WDFY4: variants seen among roughly 807,000 people sequenced by gnomAD.
WDFY4 encodes the protein WD repeat- and FYVE domain-containing protein 4.
Under a neutral mutation model 351.9 loss-of-function variants are expected in WDFY4, and 169 were observed. The observed-to-expected ratio is 0.48, with a 90% CI of 0.42 to 0.55. The LOEUF is 0.55. Among genes scored for constraint, WDFY4 ranks in the 20% least tolerant of loss-of-function variants. The pLI is 0.00. For missense variants in WDFY4, 3,803 were observed against 3,935.6 expected (o/e 0.97, Z 0.90); for synonymous variants, 1,622 against 1,574.6 (o/e 1.03, Z -0.71).
Position 48,721,345 on chromosome 10 carries a change from A to G in WDFY4, c.434A>G (p.Tyr145Cys). Reference protein sequence around the residue: ...QDGYLLLKSVYVLTGTDSETL... With the variant: ...QDGYLLLKSVCVLTGTDSETL... ...GGCTACTTGCTCCTGAAGTCAGTGT[A>G]CGTGCTCACGGGGACAGACTCGGTA... The change falls in exon 4 of 62, where the codon TAC becomes TGC. Residue 145 changes from tyrosine to cysteine, a missense_variant. Tyr to Cys is a radical substitution (Grantham distance 194). Coordinates refer to ENST00000325239, the MANE Select transcript of WDFY4 (RefSeq NM_001394531.1). 1 of 1,551,694 alleles carries G rather than the reference A, an allele frequency of 6.4e-7. No individual in the cohort carries two copies. The highest frequency in any genetic ancestry group is 2.0e-5 in the Admixed American group (1 of 51,002).
intron 1 of WDFY4, among the ~76,000 whole-genome samples, chr10:48,701,667 A>T (rs1227151734): frequency 6.6e-6 from 1 of 152,164 alleles, no homozygotes; most frequent in East Asian, 1.9e-4. Context: ...TTGAGGAAAG[A>T]GGAAGTGTGG....
chr10:48,771,859 G>A (rs879369966), intron 13 of WDFY4, among the ~76,000 whole-genome samples: 3 of 152,200 alleles, frequency 2.0e-5, no homozygotes, highest in Non-Finnish European at 4.4e-5. Context: ...TAGGAAGAGA[G>A]GAAGCAGGGA....
In WDFY4 at chr10:48,777,440, G is replaced by A. The variant is rs753593235; in HGVS notation, c.3120G>A (p.Leu1040=). ...EGYGCLFIPT[L]STVMGTSTEY... is the part of the protein sequence containing the mutation. Reference sequence around the variant, plus strand: ...CCAGCTGTTTGTTTATTCCAACCCTGTCCACAGTTATGGGAACCAGCACTG... The same window carrying A: ...CCAGCTGTTTGTTTATTCCAACCCTATCCACAGTTATGGGAACCAGCACTG... The change falls in exon 17 of 62, where the codon CTG becomes CTA. Residue 1040 remains leucine, a synonymous_variant. Coordinates refer to ENST00000325239, the MANE Select transcript of WDFY4 (RefSeq NM_001394531.1). 1.5e-4 allele frequency: 226 copies of A among 1,551,594 alleles called. 1 individual carries two copies. The highest frequency in any genetic ancestry group is 1.9e-4 in the Non-Finnish European group (223 of 1,147,016).
chr10:48,885,741 T>TAG (rs982575856), intron 43 of WDFY4, among the ~76,000 whole-genome samples: 2 of 152,078 alleles, frequency 1.3e-5, no homozygotes, highest in African/African-American at 4.8e-5. Flanking sequence ...TCTCTATATA[T>TAG]ATAGATAGAT....
intron 14 of WDFY4, among the ~76,000 whole-genome samples, chr10:48,774,981 G>A (rs896215560): frequency 1.3e-5 from 2 of 152,190 alleles, no homozygotes; most frequent in African/African-American, 4.8e-5. Flanking sequence ...GGGCCTGGAA[G>A]GCTCTGCCGG....
intron 18 of WDFY4, among the ~76,000 whole-genome samples, chr10:48,779,451 G>A (rs1589588273): frequency 6.6e-6 from 1 of 152,338 alleles, no homozygotes. Flanking sequence ...GAGTGTCACT[G>A]TTTCATAGGG....
intron 41 of WDFY4, among the ~76,000 whole-genome samples, chr10:48,873,945 T>G (rs2069888902): frequency 6.6e-6 from 1 of 152,114 alleles, no homozygotes; most frequent in Non-Finnish European, 1.5e-5. Flanking sequence ...GAGTGTTGAG[T>G]GGTGAGTGGT....
chr10:48,800,461 G>A (rs527268288), intron 24 of WDFY4, among the ~76,000 whole-genome samples: 2 of 152,154 alleles, frequency 1.3e-5, no homozygotes, highest in East Asian at 3.9e-4. Flanking sequence ...GGTGGGTACA[G>A]GAGATTGTTG....
chr10:48,772,801 GT>G (rs1565180547), intron 13 of WDFY4, among the ~76,000 whole-genome samples: 1 of 150,164 alleles, frequency 6.7e-6, no homozygotes, highest in South Asian at 2.1e-4. Flanking sequence ...GCGGTGTTTG[GT>G]TTTTTGTTCT....
At chr10:48,706,912 A>G (rs1186746330) in intron 1 of WDFY4, among the ~76,000 whole-genome samples, 1 of 152,244 alleles carries the variant, frequency 6.6e-6, no homozygotes, top group Non-Finnish European at 1.5e-5. Context: ...TTAAGAATAA[A>G]GGCATTGAGG....
chr10:48,813,829 C>G, intron 30 of WDFY4, 128 bp from the exon 31 acceptor site: 1 of 1,166,756 alleles, frequency 8.6e-7, no homozygotes, highest in Non-Finnish European at 1.1e-6. Flanking sequence ...GATCAACCAC[C>G]TAGGCTGCCA....
At chr10:48,925,233 G>A (rs1839471646) in intron 47 of WDFY4, among the ~76,000 whole-genome samples, 1 of 152,162 alleles carries the variant, frequency 6.6e-6, no homozygotes, top group Non-Finnish European at 1.5e-5. Context: ...CCTCCCGAGT[G>A]GCTTCAGATC....
intron 35 of WDFY4, chr10:48,823,208 CT>C: frequency 7.7e-7 from 1 of 1,303,224 alleles, no homozygotes. Context: ...AAGCTAGAGA[CT>C]TTTCCTGACA....
rs1297692095 is a variant in WDFY4, at chr10:48,946,093, G to A, written c.7803G>A (p.Gly2601=). 64 of 1,549,024 alleles carry A rather than the reference G, an allele frequency of 4.1e-5. No individual in the cohort carries two copies. Among genetic ancestry groups the A allele is most frequent in the Non-Finnish European group, 5.5e-5 (63 of 1,146,328 alleles). Residue 2601 remains glycine, a synonymous_variant, in exon 50 of 62, where the codon GGG becomes GGA. Coordinates refer to ENST00000325239, the MANE Select transcript of WDFY4 (RefSeq NM_001394531.1). ...KIFRDLSKPM[G]AQTKERKLKF... ...TCCGGGATCTTTCAAAGCCCATGGG[G>A]GCTCAGACCAAGGAAAGGAAGCTGA...
rs1412367168 is a variant in WDFY4, at chr10:48,723,512, T to C, written c.536T>C (p.Leu179Pro). 22 of 1,551,640 alleles carry C rather than the reference T, an allele frequency of 1.4e-5. No homozygotes were observed. Among genetic ancestry groups the C allele is most frequent in the Non-Finnish European group, 1.9e-5 (22 of 1,147,050 alleles). ...CTTTACCTCTTCTTTGTCTTTCCTC[T>C]GGACAAAGATGAGCTTCTTGAGAGT... ...QCLYLFFVFP[L>P]DKDELLESDL... is the part of the protein sequence containing the mutation. Residue 179 changes from leucine (L) to proline (P), a missense_variant, in exon 5 of 62, where the codon CTG (leucine) becomes CCG (proline). By Grantham distance (98) the Leu-to-Pro change is moderately conservative. Around this residue, in one of 3 missense-constraint regions of WDFY4, gnomAD observed 488 missense variants for 456.8 expected, o/e 1.07. Coordinates refer to ENST00000325239, the MANE Select transcript of WDFY4 (RefSeq NM_001394531.1).
rs570730410 is a variant in WDFY4 at position 48,708,977 on chromosome 10, C to T, written c.-17-739C>T. Among the ~76,000 whole-genome samples, 35 of 150,708 alleles carry T rather than the reference C, an allele frequency of 2.3e-4. No homozygotes were observed. In the South Asian group the frequency reaches 7.3e-3, roughly 32 times the overall value. On this transcript the variant is annotated intron_variant, in intron 1 of 61. Coordinates refer to ENST00000325239, the MANE Select transcript of WDFY4 (RefSeq NM_001394531.1). ...ATGCAGCCTTTTAAAAGAGAAGCAG[C>T]AACAAGTGAAAAAAAAACAAACAAA...
intron 43 of WDFY4, among the ~76,000 whole-genome samples, chr10:48,887,673 G>A (rs1425973246): frequency 5.3e-5 from 8 of 151,974 alleles, no homozygotes; most frequent in Non-Finnish European, 4.4e-5. Context: ...CAGCTGCTCA[G>A]GAGACTGAGG....
chr10:48,821,225 C>A, intron 34 of WDFY4, 49 bp downstream of exon 34: 2 of 1,431,694 alleles, frequency 1.4e-6, no homozygotes, highest in Non-Finnish European at 1.9e-6. Flanking sequence ...AGGCTGCTGA[C>A]AGTGGAGAGG....
At chr10:48,823,380 C>T (rs2067893847) in intron 35 of WDFY4, 1 of 1,236,436 alleles carries the variant, frequency 8.1e-7, no homozygotes, top group African/African-American at 1.6e-5. Flanking sequence ...CTGGTTATGC[C>T]CTCTGCAGCA....
Sources: allele counts gnomAD v4.1 joint callset (sites outside exome capture counted in the v4.1 genomes callset), GRCh38; gene constraint gnomAD v4.1.1; regional missense constraint gnomAD v4.1.1; transcripts MANE v1.5; gene names NCBI Gene and HGNC (gene_info 2026-07-23, HGNC 2026-07-21).